The following ZFR variants were observed in gnomAD, a reference collection of about 807,000 sequenced individuals.
The protein encoded by ZFR is zinc finger RNA binding protein, also known as zinc finger RNA-binding protein.
ZFR carries 19 observed loss-of-function variants against 130.7 expected under a neutral mutation model. That is an observed-to-expected ratio of 0.15 (90% CI 0.10 to 0.21). The LOEUF (loss-of-function observed/expected upper bound fraction) is 0.21. Ranked by LOEUF, ZFR falls within the 10% of genes least tolerant of loss-of-function variation. The pLI is 1.00. For missense variants in ZFR, 872 were observed against 1,321.5 expected (o/e 0.66, Z 5.27); for synonymous variants, 466 against 456.9 (o/e 1.02, Z -0.25).
At chr5:32,443,888 G>C (rs1003444876) in intron 2 of ZFR, among the ~76,000 whole-genome samples, 3 of 152,220 alleles carry the variant, frequency 2.0e-5, no homozygotes, top group African/African-American at 7.2e-5. Context: ...GGCGGGGACT[G>C]GGGGGCCTGC....
At chr5:32,421,314 GA>G (rs1001413009) in intron 2 of ZFR, among the ~76,000 whole-genome samples, 7 of 148,638 alleles carry the variant, frequency 4.7e-5, no homozygotes, top group Admixed American at 2.0e-4. Flanking sequence ...CTAAGAGAAA[GA>G]AAAAAAAAAT....
At chr5:32,368,802 T>TTATAATCACATTC (rs1409425709) in intron 17 of ZFR, among the ~76,000 whole-genome samples, 1 of 152,216 alleles carries the variant, frequency 6.6e-6, no homozygotes, top group African/African-American at 2.4e-5. Context: ...ATTCTAACCA[T>TTATAATCACATTC]TATAATCACA....
chr5:32,440,921 T>G (rs1014207732), intron 2 of ZFR, among the ~76,000 whole-genome samples: 4 of 152,206 alleles, frequency 2.6e-5, no homozygotes, highest in African/African-American at 9.7e-5. Flanking sequence ...TAAAATAAAT[T>G]TAATCAAATA....
intron 5 of ZFR, 97 bp downstream of exon 5, chr5:32,414,872 T>C (rs1203238619): frequency 4.8e-6 from 5 of 1,050,556 alleles, no homozygotes; most frequent in Non-Finnish European, 5.5e-6. Flanking sequence ...TAATTCCTAT[T>C]ATTGGGAGTA....
At chr5:32,369,480 T>C (rs183971515) in intron 17 of ZFR, among the ~76,000 whole-genome samples, 1 of 131,096 alleles carries the variant, frequency 7.6e-6, no homozygotes, top group Admixed American at 7.4e-5. Context: ...TGATATATCA[T>C]TCTTTAAAAC....
intron 9 of ZFR, among the ~76,000 whole-genome samples, chr5:32,399,737 C>T (rs963662810): frequency 2.0e-5 from 3 of 152,088 alleles, no homozygotes; most frequent in Admixed American, 2.0e-4. Context: ...TACAAGAATG[C>T]TTGCTAGTAA....
intron 2 of ZFR, among the ~76,000 whole-genome samples, chr5:32,421,893 G>T (rs931556673): frequency 1.3e-5 from 2 of 151,834 alleles, no homozygotes; most frequent in Non-Finnish European, 2.9e-5. Context: ...CATTTTCTAG[G>T]AACAACTCCA....
chr5:32,416,344 G>A (rs1387347246), intron 4 of ZFR, among the ~76,000 whole-genome samples: 1 of 152,124 alleles, frequency 6.6e-6, no homozygotes, highest in African/African-American at 2.4e-5. Flanking sequence ...GCTGGGCATG[G>A]TGGCTCACGC....
rs70961626 is a variant in ZFR at position 32,397,849 on chromosome 5, CTTTTTTTTTT to C, written c.1714-521_1714-512del. Among the ~76,000 whole-genome samples the C allele has an allele frequency of 1.1e-3, 72 of 66,878 alleles. 2 individuals are homozygous for C. Among genetic ancestry groups the C allele is most frequent in the African/African-American group, 3.6e-3 (57 of 15,910 alleles). The allele number at this position is 66,878 out of a possible 152,430, so 43.9% of individuals were successfully genotyped here. A position where few individuals can be genotyped will look rare whatever the true frequency, so the allele number is the denominator to read the frequency against. ...TGATAGCATGTGTTTGCTCTTGTAT[CTTTTTTTTTT>C]TTTTTTTTTTTTTTTTGAGATGGAG... is the stretch of plus-strand genomic sequence containing the variant. On this transcript the variant is annotated intron_variant, in intron 9 of 19. Coordinates refer to ENST00000265069, the MANE Select transcript of ZFR (RefSeq NM_016107.5).
intron 2 of ZFR, among the ~76,000 whole-genome samples, chr5:32,429,706 C>A (rs1475695717): frequency 1.3e-5 from 2 of 152,124 alleles, no homozygotes; most frequent in Non-Finnish European, 2.9e-5. Context: ...GCTTCCAGGT[C>A]ACACAAAACA....
chr5:32,442,105 A>G (rs1218270892), intron 2 of ZFR, among the ~76,000 whole-genome samples: 1 of 152,212 alleles, frequency 6.6e-6, no homozygotes, highest in Non-Finnish European at 1.5e-5. Flanking sequence ...TTTAGGAAAA[A>G]CATTTCAGAA....
intron 19 of ZFR, among the ~76,000 whole-genome samples, chr5:32,357,711 T>TA (rs1296071772): frequency 6.6e-6 from 1 of 152,264 alleles, no homozygotes; most frequent in African/African-American, 2.4e-5. Flanking sequence ...CTTGCCTATG[T>TA]AAAAATTATA....
At chr5:32,404,177 T>A in intron 6 of ZFR, 80 bp from the exon 7 acceptor site, 1 of 1,289,594 alleles carries the variant, frequency 7.8e-7, no homozygotes, top group Non-Finnish European at 1.1e-6. Context: ...AAGAAATCTC[T>A]AATACTCATC....
chr5:32,385,386 CA>C, intron 15 of ZFR, 121 bp downstream of exon 15: 1 of 1,212,586 alleles, frequency 8.2e-7, no homozygotes, highest in Non-Finnish European at 1.1e-6. Flanking sequence ...CTAAATAAGT[CA>C]AATCTATCAA....
At chr5:32,430,079 CAAAAAAAA>C (rs56163955) in intron 2 of ZFR, among the ~76,000 whole-genome samples, 17 of 70,294 alleles carry the variant, frequency 2.4e-4, no homozygotes, top group East Asian at 4.5e-4. Context: ...GACCCTATTT[CAAAAAAAA>C]AAAAAAAAAA....
At chr5:32,382,173 C>T (rs1752948190) in intron 15 of ZFR, among the ~76,000 whole-genome samples, 1 of 152,094 alleles carries the variant, frequency 6.6e-6, no homozygotes, top group African/African-American at 2.4e-5. Flanking sequence ...TGTCGTGGCA[C>T]ATGCCTGTGG....
Position 32,395,167 on chromosome 5 carries a change from C to T in ZFR, c.1971G>A (p.Met657Ile), listed in dbSNP as rs904141395. The change falls in exon 11 of 20, where the codon ATG (methionine) becomes ATA (isoleucine). Residue 657 changes from methionine (M) to isoleucine (I), a missense_variant. Around this residue, in one of 7 missense-constraint regions of ZFR, gnomAD observed 225 missense variants for 282.4 expected, o/e 0.80. Transcript: ENST00000265069. ...RRREEEERWR[M>I]EMRRYEEDMY... ...AAAGTTAAAGATATTACCTCATTTC[C>T]ATTCTCCAACGCTCCTCTTCTTCTC... is the stretch of plus-strand genomic sequence containing the variant. 1 of 1,593,128 alleles carries T rather than the reference C, an allele frequency of 6.3e-7. No individual in the cohort carries two copies. Among genetic ancestry groups the T allele is most frequent in the Non-Finnish European group, 8.5e-7 (1 of 1,171,754 alleles).
In ZFR at chr5:32,400,155, C is replaced by G; in HGVS notation, c.1565G>C (p.Gly522Ala). 6.2e-7 allele frequency: 1 copy of G among 1,611,786 alleles called. No individual in the cohort carries two copies. Among genetic ancestry groups the G allele is most frequent in the Non-Finnish European group, 8.5e-7 (1 of 1,178,654 alleles). Reference protein sequence around the residue: ...STGNKAEDIKGTECVKSTPVT... With the variant: ...STGNKAEDIKATECVKSTPVT... ...AGGAGTACTTTTAACACATTCGGTT[C>G]CTTTTATGTCTTCTGCTTTATTTCC... is the stretch of plus-strand genomic sequence containing the variant. The change falls in exon 9 of 20, where the codon GGA becomes GCA. Residue 522 changes from glycine (G) to alanine (A), a missense_variant. Gly to Ala is a moderately conservative substitution (Grantham distance 60). Around this residue, in one of 7 missense-constraint regions of ZFR, gnomAD observed 143 missense variants for 137.9 expected, o/e 1.04. Transcript: ENST00000265069.
rs1385695999 is a variant in ZFR, at chr5:32,395,302, T to C, written c.1836A>G (p.Lys612=). 1 of 1,575,598 alleles carries C rather than the reference T, an allele frequency of 6.3e-7. No homozygotes were observed. Among genetic ancestry groups the C allele is most frequent in the Admixed American group, 1.9e-5 (1 of 51,830 alleles). Reference sequence around the variant, plus strand: ...CTACTTGCAAATCTGGATTTACTTTTTTCTATTAATATAAATAAGACATTT... The same window carrying C: ...CTACTTGCAAATCTGGATTTACTTTCTTCTATTAATATAAATAAGACATTT... ...KGRRHRLQYK[K]KVNPDLQVEV... The change falls in exon 11 of 20, where the codon AAA becomes AAG. Residue 612 remains lysine (K), a splice_region_variant and synonymous_variant. Coordinates refer to ENST00000265069, the MANE Select transcript of ZFR (RefSeq NM_016107.5).
Sources: allele counts gnomAD v4.1 joint callset (sites outside exome capture counted in the v4.1 genomes callset), GRCh38; gene constraint gnomAD v4.1.1; regional missense constraint gnomAD v4.1.1; transcripts MANE v1.5; gene names NCBI Gene and HGNC (gene_info 2026-07-23, HGNC 2026-07-21).